The following MOB4 variants were observed in gnomAD, a reference collection of about 807,000 sequenced individuals.
The protein encoded by MOB4 is MOB-like protein phocein.
MOB4 carries 4 observed loss-of-function variants against 32.2 expected under a neutral mutation model. The ratio of observed to expected loss-of-function variants is 0.12; its 90% CI spans 0.06 to 0.28. The LOEUF is 0.28. Ranked by LOEUF, MOB4 falls within the 10% of genes least tolerant of loss-of-function variation. MOB4 has a pLI of 1.00. For synonymous variants in MOB4, 88 were observed against 88.1 expected (o/e 1.00, Z 0.01); for missense variants, 158 against 271.2 (o/e 0.58, Z 2.93).
intron 4 of MOB4, 92 bp downstream of exon 4, chr2:197,540,245 A>G (rs2086874465): frequency 2.7e-6 from 4 of 1,506,850 alleles, no homozygotes; most frequent in Non-Finnish European, 3.6e-6. Context: ...AAACGTATCC[A>G]CATTTCTAAC....
rs1416773624 is a variant in MOB4, at chr2:197,534,237, C to T, written c.124-1293C>T. Among the ~76,000 whole-genome samples the T allele has an allele frequency of 4.6e-5, 7 of 152,082 alleles. No individual in the cohort carries two copies. In the South Asian group the frequency reaches 1.5e-3, roughly 32 times the overall value. On this transcript the variant is annotated intron_variant, in intron 2 of 7. Transcript: ENST00000323303. Reference sequence around the variant, plus strand: ...GGCAAAATTGATTGGCTCAAGAAGGCCTTATAGTTAGTAAGTTTTTGTAAC... The same window carrying T: ...GGCAAAATTGATTGGCTCAAGAAGGTCTTATAGTTAGTAAGTTTTTGTAAC...
intron 2 of MOB4, among the ~76,000 whole-genome samples, chr2:197,531,280 G>A (rs1172864923): frequency 3.3e-5 from 5 of 151,836 alleles, no homozygotes; most frequent in African/African-American, 9.7e-5. Flanking sequence ...TCCTGACCTC[G>A]TGATCCACCC....
upstream of MOB4, chr2:197,515,726 T>TCGGTGG: frequency 3.3e-6 from 1 of 299,926 alleles, no homozygotes; most frequent in South Asian, 4.2e-5. Context: ...AAGTTCGTTC[T>TCGGTGG]TCCCGTGTAA....
At chr2:197,549,143 G>T (rs1043799780) in intron 6 of MOB4, among the ~76,000 whole-genome samples, 3 of 151,912 alleles carry the variant, frequency 2.0e-5, no homozygotes, top group African/African-American at 7.3e-5. Flanking sequence ...CAGGAGAATC[G>T]CTTGAACCCA....
chr2:197,518,794 C>T (rs930107765), intron 1 of MOB4, among the ~76,000 whole-genome samples: 5 of 152,092 alleles, frequency 3.3e-5, no homozygotes, highest in Middle Eastern at 6.8e-3. Context: ...CTCACTCTGT[C>T]GCCCAGCCTG....
chr2:197,533,573 A>G (rs2106119962), intron 2 of MOB4, among the ~76,000 whole-genome samples: 1 of 152,024 alleles, frequency 6.6e-6, no homozygotes, highest in Non-Finnish European at 1.5e-5. Flanking sequence ...AAAAATACAA[A>G]AATTAGCCGG....
At chr2:197,520,732 A>AT (rs1428255494) in intron 1 of MOB4, among the ~76,000 whole-genome samples, 1 of 152,072 alleles carries the variant, frequency 6.6e-6, no homozygotes, top group Non-Finnish European at 1.5e-5. Context: ...TCTACAGAGA[A>AT]TTCCAGAACC....
At chr2:197,518,191 A>G (rs1043216362) in intron 1 of MOB4, among the ~76,000 whole-genome samples, 7 of 152,130 alleles carry the variant, frequency 4.6e-5, no homozygotes, top group African/African-American at 1.7e-4. Flanking sequence ...ATCTTCCTAC[A>G]TTAAAAAAAA....
At position 197,523,810 on chromosome 2, in the gene MOB4, A is replaced by G. The variant is rs929994561; in HGVS notation, c.123+124A>G. The G allele has an allele frequency of 1.5e-5, 12 of 780,558 alleles. No individual in the cohort carries two copies. In the African/African-American group the frequency reaches 1.8e-4, roughly 12 times the overall value. The allele number at this position is 780,558 out of a possible 1,614,324, so 48.4% of individuals were successfully genotyped here. On this transcript the variant is annotated intron_variant, in intron 2 of 7. Transcript: ENST00000323303. ...GCTTCCCAATAAAGCGTGCTCTTTC[A>G]CAAAACAAAACAAAATAGTTCCTTT... is the stretch of plus-strand genomic sequence containing the variant.
In MOB4 at chr2:197,552,988, C is replaced by G. The variant is rs1163010672; in HGVS notation, c.*2342C>G. Reference sequence around the variant, plus strand: ...TCTCCTATCACATCTGGGAAAGTAGCTAACTTTTAACTATTTATGTTCCCA... The same window carrying G: ...TCTCCTATCACATCTGGGAAAGTAGGTAACTTTTAACTATTTATGTTCCCA... On this transcript the variant is annotated 3_prime_UTR_variant, in exon 8 of 8. Transcript: ENST00000323303. 6.6e-6 allele frequency: 1 copy of G among 152,160 alleles called. No individual in the cohort carries two copies. The highest frequency in any genetic ancestry group is 1.5e-5 in the Non-Finnish European group (1 of 68,028). 9.4% of individuals were successfully genotyped at this position (152,160 alleles called of 1,614,324 possible).
intron 1 of MOB4, among the ~76,000 whole-genome samples, chr2:197,519,442 G>A (rs1000408628): frequency 6.6e-6 from 1 of 152,096 alleles, no homozygotes; most frequent in African/African-American, 2.4e-5. Context: ...AAGTAAAATG[G>A]CATAGTGTTT....
At chr2:197,533,936 G>C (rs1374283461) in intron 2 of MOB4, 1 of 587,574 alleles carries the variant, frequency 1.7e-6, no homozygotes, top group Non-Finnish European at 3.3e-6. Context: ...TCTAAGAGGA[G>C]ACATTGGAAA....
At chr2:197,541,913 C>T (rs933033206) in intron 5 of MOB4, among the ~76,000 whole-genome samples, 1 of 142,054 alleles carries the variant, frequency 7.0e-6, no homozygotes, top group East Asian at 2.1e-4. Flanking sequence ...AGCGAGACTC[C>T]GTCTCAAAAA....
chr2:197,524,869 C>T (rs1262357700), intron 2 of MOB4, among the ~76,000 whole-genome samples: 2 of 151,944 alleles, frequency 1.3e-5, no homozygotes, highest in East Asian at 3.9e-4. Flanking sequence ...TTCCTGGGCT[C>T]AGGTGATTGT....
rs1443193530 is a variant in MOB4, at chr2:197,552,766, A to G, written c.*2120A>G. On this transcript the variant is annotated 3_prime_UTR_variant, in exon 8 of 8. Transcript: ENST00000323303. ...CAGAATTTTGAAAATGTACTTATAT[A>G]TACATAAATACTACTAAAAAATTAA... 1 of 152,300 alleles carries G rather than the reference A, an allele frequency of 6.6e-6. No homozygotes were observed. The highest frequency in any genetic ancestry group is 2.4e-5 in the African/African-American group (1 of 41,458). The allele number at this position is 152,300 out of a possible 1,614,324, so 9.4% of individuals were successfully genotyped here.
chr2:197,532,398 GC>G (rs1305214936), intron 2 of MOB4, among the ~76,000 whole-genome samples: 1 of 152,150 alleles, frequency 6.6e-6, no homozygotes, highest in Non-Finnish European at 1.5e-5. Context: ...ATTGGGGTGG[GC>G]CCAGTGGTTC....
intron 1 of MOB4, chr2:197,516,427 G>A (rs2086412806): frequency 1.5e-6 from 2 of 1,326,482 alleles, no homozygotes; most frequent in Non-Finnish European, 9.9e-7. Flanking sequence ...GAGCCTGTCA[G>A]CAGCAACGGC....
intron 5 of MOB4, among the ~76,000 whole-genome samples, chr2:197,541,929 AAAAAT>A (rs2086903038): frequency 7.9e-6 from 1 of 127,088 alleles, no homozygotes; most frequent in Admixed American, 7.9e-5. Context: ...AAAAAAAATA[AAAAAT>A]AAAAAAAATA....
chr2:197,544,739 T>G (rs1276295253), intron 5 of MOB4, among the ~76,000 whole-genome samples: 1 of 147,356 alleles, frequency 6.8e-6, no homozygotes, highest in East Asian at 2.0e-4. Context: ...GGCAACAGAG[T>G]GAGACTCCGT....
Sources: allele counts gnomAD v4.1 joint callset (sites outside exome capture counted in the v4.1 genomes callset), GRCh38; gene constraint gnomAD v4.1.1; transcripts MANE v1.5; gene names NCBI Gene and HGNC (gene_info 2026-07-23, HGNC 2026-07-21).